Variants in VPS13B observed in about 807,000 individuals in gnomAD.
VPS13B encodes the protein vacuolar protein sorting 13 homolog B, also known as intermembrane lipid transfer protein VPS13B.
VPS13B carries 285 observed loss-of-function variants against 426.4 expected under a neutral mutation model. The ratio of observed to expected loss-of-function variants is 0.67; its 90% CI spans 0.61 to 0.74. The LOEUF is 0.74. Ranked by LOEUF, VPS13B falls within the 30% of genes least tolerant of loss-of-function variation. VPS13B has a pLI of 0.00. For synonymous variants in VPS13B, 1,676 were observed against 1,676.4 expected, an observed-to-expected ratio of 1.00 and a Z score of 0.01; for missense variants, 4,537 against 4,782.6, an observed-to-expected ratio of 0.95 and a Z score of 1.51.
At chr8:99,037,454 A>C (rs899340619) in intron 2 of VPS13B, among the ~76,000 whole-genome samples, 32 of 152,160 alleles carry the variant, frequency 2.1e-4, no homozygotes, top group Non-Finnish European at 5.9e-5. Context: ...ACTGAGGCAC[A>C]GATACAATAA....
At chr8:99,458,340 C>T (rs1403458159) in intron 23 of VPS13B, among the ~76,000 whole-genome samples, 1 of 151,948 alleles carries the variant, frequency 6.6e-6, no homozygotes, top group Non-Finnish European at 1.5e-5. Context: ...CGTTTGGTTC[C>T]AAGTCTTTGC....
At chr8:99,351,579 A>G (rs1390648965) in intron 19 of VPS13B, among the ~76,000 whole-genome samples, 1 of 152,126 alleles carries the variant, frequency 6.6e-6, no homozygotes, top group Admixed American at 6.6e-5. Context: ...ACACAGATCA[A>G]ACATTACCTC....
chr8:99,045,928 A>G (rs2132246640), intron 3 of VPS13B, among the ~76,000 whole-genome samples: 1 of 152,286 alleles, frequency 6.6e-6, no homozygotes, highest in East Asian at 1.9e-4. Context: ...TACCAGTACC[A>G]TGCTGTTTTG....
At chr8:99,700,738 G>A (rs1284351235) in intron 36 of VPS13B, among the ~76,000 whole-genome samples, 2 of 152,178 alleles carry the variant, frequency 1.3e-5, no homozygotes, top group Non-Finnish European at 2.9e-5. Context: ...TGGGAAGTGT[G>A]GGCAGAAGGA....
chr8:99,749,623 T>G (rs1314042965), intron 39 of VPS13B, among the ~76,000 whole-genome samples: 16 of 152,170 alleles, frequency 1.1e-4, no homozygotes, highest in Admixed American at 1.0e-3. Flanking sequence ...GTACCACATT[T>G]TCTTTATCTG....
At chr8:99,621,388 A>AT (rs1253561467) in intron 33 of VPS13B, among the ~76,000 whole-genome samples, 1 of 152,148 alleles carries the variant, frequency 6.6e-6, no homozygotes, top group Non-Finnish European at 1.5e-5. Flanking sequence ...ATTAATCCCC[A>AT]TTGCCGTCTC....
In VPS13B at chr8:99,192,862, G is replaced by C; in HGVS notation, c.2334-14G>C. 6.2e-7 allele frequency: 1 copy of C among 1,611,936 alleles called. No individual in the cohort carries two copies. The highest frequency in any genetic ancestry group is 8.5e-7 in the Non-Finnish European group (1 of 1,179,592). ...TATTTACTGTATTGCGATTCTTTCT[G>C]TTTTCTTGTGCAGGACCAAAAGATC... On this transcript the variant is annotated splice_polypyrimidine_tract_variant and intron_variant, in intron 16 of 61. Transcript: ENST00000357162.
chr8:99,497,963 ATATC>A (rs1315660382), intron 25 of VPS13B, among the ~76,000 whole-genome samples: 3 of 152,248 alleles, frequency 2.0e-5, no homozygotes, highest in East Asian at 3.9e-4. Context: ...TCTTATTTGA[ATATC>A]TATGAAAAAA....
chr8:99,417,282 T>A (rs1816075742), intron 21 of VPS13B, among the ~76,000 whole-genome samples: 1 of 152,226 alleles, frequency 6.6e-6, no homozygotes, highest in South Asian at 2.1e-4. Flanking sequence ...GGAAGGGTGC[T>A]ATTGAAAGGC....
At chr8:99,500,763 A>G (rs1265119208) in intron 25 of VPS13B, among the ~76,000 whole-genome samples, 1 of 152,220 alleles carries the variant, frequency 6.6e-6, no homozygotes, top group Non-Finnish European at 1.5e-5. Flanking sequence ...TTGGGATTTT[A>G]GGAACCCAAT....
At chr8:99,263,651 T>G (rs1318448619) in intron 17 of VPS13B, among the ~76,000 whole-genome samples, 2 of 152,240 alleles carry the variant, frequency 1.3e-5, no homozygotes, top group Non-Finnish European at 2.9e-5. Context: ...TCTCTTTCTC[T>G]GACTCTTTTT....
intron 39 of VPS13B, among the ~76,000 whole-genome samples, chr8:99,727,975 C>T (rs186014898): frequency 3.7e-4 from 56 of 152,276 alleles, no homozygotes; most frequent in Middle Eastern, 3.4e-3. Flanking sequence ...ATCATGTAAC[C>T]ACCTAAATAT....
At chr8:99,582,953 CCACT>C (rs775108692) in intron 33 of VPS13B, among the ~76,000 whole-genome samples, 5 of 152,210 alleles carry the variant, frequency 3.3e-5, no homozygotes, top group Non-Finnish European at 7.3e-5. Context: ...CTGCGCCTGG[CCACT>C]CATTGCTACA....
At chr8:99,344,633 G>A (rs1186738639) in intron 19 of VPS13B, among the ~76,000 whole-genome samples, 1 of 152,122 alleles carries the variant, frequency 6.6e-6, no homozygotes, top group East Asian at 1.9e-4. Flanking sequence ...TGATCTGAAT[G>A]CTAAGTCATT....
At chr8:99,359,032 G>A (rs1400851696) in intron 19 of VPS13B, among the ~76,000 whole-genome samples, 1 of 152,052 alleles carries the variant, frequency 6.6e-6, no homozygotes, top group African/African-American at 2.4e-5. Context: ...TACTCTAGTA[G>A]ATACAACTTT....
At chr8:99,070,022 G>A (rs79299023) in intron 3 of VPS13B, among the ~76,000 whole-genome samples, 4,712 of 152,190 alleles carry the variant, frequency 0.031, 100 homozygotes, top group East Asian at 0.053. Flanking sequence ...CCCCCGCCAC[G>A]GCATCCCAAG....
In VPS13B at chr8:99,809,674, G is replaced by C. The variant is rs146808979; in HGVS notation, c.8097+144G>C. 284 of 982,418 alleles carry C rather than the reference G, an allele frequency of 2.9e-4. 4 individuals carry two copies. The East Asian group carries it at 7.4e-3, about 26-fold the overall frequency. 60.9% of individuals were successfully genotyped at this position (982,418 alleles called of 1,614,324 possible). A position where few individuals can be genotyped will look rare whatever the true frequency, so the allele number is the denominator to read the frequency against. On this transcript the variant is annotated intron_variant, in intron 44 of 61. Transcript: ENST00000357162. ...CCATGCATGTGAGCATTTAATAAAT[G>C]CTTATCTATGATCCTGACAATGATG...
intron 22 of VPS13B, among the ~76,000 whole-genome samples, chr8:99,433,855 G>A (rs779614698): frequency 3.3e-5 from 5 of 152,026 alleles, no homozygotes; most frequent in African/African-American, 4.8e-5. Flanking sequence ...CGCCCAGGCT[G>A]GAGTGCAGTG....
At chr8:99,741,618 A>C (rs966368484) in intron 39 of VPS13B, among the ~76,000 whole-genome samples, 3 of 152,228 alleles carry the variant, frequency 2.0e-5, no homozygotes, top group African/African-American at 7.2e-5. Context: ...AATTATAACA[A>C]ACTGTCTCTC....
Sources: gnomAD v4.1 joint callset for allele counts (sites outside exome capture counted in the v4.1 genomes callset) on GRCh38, gnomAD v4.1.1 for gene constraint, MANE v1.5 for transcripts, NCBI Gene and HGNC (gene_info 2026-07-23, HGNC 2026-07-21) for gene names.